Variants in UGT1A8 observed in about 807,000 individuals in gnomAD.
The protein encoded by UGT1A8 is UDP-glucuronosyltransferase 1A8.
UGT1A8 carries 39 observed loss-of-function variants against 45.3 expected under a neutral mutation model. The ratio of observed to expected loss-of-function variants is 0.86; its 90% confidence interval spans 0.67 to 1.12. The LOEUF is 1.12. UGT1A8 is among the 50% of genes most tolerant of loss of function. The pLI is 0.00. For missense variants in UGT1A8, 719 were observed against 664.9 expected (o/e 1.08, Z -0.90); for synonymous variants, 275 against 249.2 (o/e 1.10, Z -0.97).
intron 1 of UGT1A8, among the ~76,000 whole-genome samples, chr2:233,766,212 G>A (rs1479826907): frequency 6.6e-6 from 1 of 152,186 alleles, no homozygotes; most frequent in Non-Finnish European, 1.5e-5. Context: ...GGGGAAGCCA[G>A]AAGGGGATGG....
At chr2:233,767,557 A>T (rs1326984430) in intron 2 of UGT1A8, among the ~76,000 whole-genome samples, 2 of 152,218 alleles carry the variant, frequency 1.3e-5, no homozygotes, top group African/African-American at 4.8e-5. Flanking sequence ...TTCTGCATCC[A>T]CTTGTTTCAT....
intron 1 of UGT1A8, among the ~76,000 whole-genome samples, chr2:233,650,775 C>T (rs144392947): frequency 0.012 from 1,895 of 152,162 alleles, 23 homozygotes; most frequent in Non-Finnish European, 0.022. Context: ...CAAACTAGAT[C>T]CTATTCAGAC....
intron 1 of UGT1A8, chr2:233,672,205 A>G (rs1340478059): frequency 1.9e-6 from 3 of 1,614,114 alleles, no homozygotes; most frequent in South Asian, 1.1e-5. Context: ...CCGGGAGTTC[A>G]AGGCTTTTGC....
At chr2:233,743,602 G>T in intron 1 of UGT1A8, 1 of 1,367,274 alleles carries the variant, frequency 7.3e-7, no homozygotes, top group Non-Finnish European at 9.8e-7. Context: ...GGTCCTGGCC[G>T]CCGAAGAACT....
intron 1 of UGT1A8, among the ~76,000 whole-genome samples, chr2:233,725,204 A>AGAGGCAGAG (rs1559370312): frequency 1.2e-4 from 10 of 85,258 alleles, no homozygotes; most frequent in African/African-American, 8.3e-4. Context: ...AGGCAGAGGC[A>AGAGGCAGAG]GAGGCAGAGG....
intron 1 of UGT1A8, among the ~76,000 whole-genome samples, chr2:233,696,325 T>G (rs2075338334): frequency 6.6e-6 from 1 of 152,218 alleles, no homozygotes; most frequent in African/African-American, 2.4e-5. Context: ...TTCATCCTCA[T>G]TTCCTTATAC....
chr2:233,691,465 C>A (rs2075044016), intron 1 of UGT1A8: 1 of 985,664 alleles, frequency 1.0e-6, no homozygotes, highest in Non-Finnish European at 1.2e-6. Context: ...CCCCAGAACA[C>A]CTCCGGTGCC....
chr2:233,724,151 G>A (rs2077177263), intron 1 of UGT1A8, among the ~76,000 whole-genome samples: 1 of 124,618 alleles, frequency 8.0e-6, no homozygotes, highest in African/African-American at 3.6e-5. Flanking sequence ...CGGCTGGCCG[G>A]GTGGGGGGGC....
chr2:233,701,601 A>T, intron 1 of UGT1A8, among the ~76,000 whole-genome samples: 1 of 152,142 alleles, frequency 6.6e-6, no homozygotes, highest in Non-Finnish European at 1.5e-5. Context: ...GAAGTAAAGC[A>T]CTCCTCAGCA....
At chr2:233,713,794 C>A in intron 1 of UGT1A8, 1 of 1,614,030 alleles carries the variant, frequency 6.2e-7, no homozygotes, top group South Asian at 1.1e-5. Flanking sequence ...TACCCCAGGC[C>A]GATCATGCCC....
intron 1 of UGT1A8, among the ~76,000 whole-genome samples, chr2:233,631,293 A>G (rs781265130): frequency 3.3e-5 from 5 of 152,300 alleles, no homozygotes; most frequent in Non-Finnish European, 7.3e-5. Flanking sequence ...TAGTGCTGCA[A>G]TAAAATACAT....
intron 1 of UGT1A8, among the ~76,000 whole-genome samples, chr2:233,695,873 C>T (rs1342839498): frequency 6.6e-6 from 1 of 152,156 alleles, no homozygotes; most frequent in African/African-American, 2.4e-5. Context: ...ACAAACAACG[C>T]AGAAAACTTC....
At chr2:233,760,857 C>G in intron 1 of UGT1A8, 1 of 1,614,098 alleles carries the variant, frequency 6.2e-7, no homozygotes, top group Non-Finnish European at 8.5e-7. Flanking sequence ...CCAACCCATT[C>G]TCCTACGTGC....
intron 1 of UGT1A8, chr2:233,728,998 G>C: frequency 6.4e-7 from 1 of 1,560,662 alleles, no homozygotes; most frequent in South Asian, 1.2e-5. Context: ...AACTAGAGGA[G>C]GGCACTCTGT....
chr2:233,714,639 G>A lies in UGT1A8; in HGVS notation c.856-52395G>A, dbSNP rs575235602. On this transcript the variant is annotated intron_variant, in intron 1 of 4. Coordinates refer to ENST00000373450, the MANE Select transcript of UGT1A8 (RefSeq NM_019076.5). ...AAAAAGAAACCACTAAAATTAATGTGAATAATGCATTTTATTTAACCAGAT... is the reference window on the plus strand; with the variant it reads ...AAAAAGAAACCACTAAAATTAATGTAAATAATGCATTTTATTTAACCAGAT... 1.5e-3 allele frequency among the ~76,000 whole-genome samples: 236 copies of A among 152,314 alleles called. 2 individuals are homozygous for A. The highest frequency in any genetic ancestry group is 5.3e-3 in the African/African-American group (221 of 41,578).
At chr2:233,729,509 G>C in intron 1 of UGT1A8, 1 of 1,614,214 alleles carries the variant, frequency 6.2e-7, no homozygotes, top group South Asian at 1.1e-5. Context: ...CATAGGTCTT[G>C]TGTGGAGCTA....
At chr2:233,697,825 A>T (rs929296446) in intron 1 of UGT1A8, among the ~76,000 whole-genome samples, 4 of 152,164 alleles carry the variant, frequency 2.6e-5, no homozygotes, top group Admixed American at 1.3e-4. Context: ...ATTTCAAGAA[A>T]ATCTAATTAA....
chr2:233,681,137 G>A (rs533523111), intron 1 of UGT1A8, among the ~76,000 whole-genome samples: 3 of 151,790 alleles, frequency 2.0e-5, no homozygotes, highest in Admixed American at 1.3e-4. Flanking sequence ...CAGGTGAGCC[G>A]CAATTTCCTC....
At chr2:233,713,332 T>C in intron 1 of UGT1A8, 1 of 1,614,244 alleles carries the variant, frequency 6.2e-7, no homozygotes, top group Non-Finnish European at 8.5e-7. Flanking sequence ...TCTAGAAGAA[T>C]GGCAATTATG....
Sources: gnomAD v4.1 joint callset for allele counts (sites outside exome capture counted in the v4.1 genomes callset) on GRCh38, gnomAD v4.1.1 for gene constraint, MANE v1.5 for transcripts, NCBI Gene and HGNC (gene_info 2026-07-23, HGNC 2026-07-21) for gene names.